Variants in DCAF12 observed in about 807,000 individuals in gnomAD.
The protein encoded by DCAF12 is DDB1- and CUL4-associated factor 12.
DCAF12 carries 28 observed loss-of-function variants against 52.8 expected under a neutral mutation model. The observed-to-expected ratio is 0.53, with a 90% CI of 0.39 to 0.73. DCAF12 has a LOEUF of 0.73. Among genes scored for constraint, DCAF12 ranks in the 30% least tolerant of loss-of-function variants. The probability of loss-of-function intolerance (pLI) is 0.00; values close to 1 mark genes in which losing one functional copy is unlikely to be tolerated. For missense variants in DCAF12, 425 were observed against 552.2 expected, an observed-to-expected ratio of 0.77 and a Z score of 2.31; for synonymous variants, 196 against 215.5, an observed-to-expected ratio of 0.91 and a Z score of 0.79.
At position 34,093,274 on chromosome 9, in the gene DCAF12, A is replaced by G. The variant is rs964704069; in HGVS notation, c.1024+12T>C. On this transcript the variant is annotated intron_variant, in intron 7 of 8. Transcript: ENST00000361264. Reference sequence around the variant, plus strand: ...GCAGCTGTAGGCCTGAGGTGCACACAGGGACTCTTACCACTGCCTCGCTCC... The same window carrying G: ...GCAGCTGTAGGCCTGAGGTGCACACGGGGACTCTTACCACTGCCTCGCTCC... The G allele has an allele frequency of 6.2e-7, 1 of 1,614,138 alleles. No individual in the cohort carries two copies. Among genetic ancestry groups the G allele is most frequent in the East Asian group, 2.2e-5 (1 of 44,884 alleles).
chr9:34,125,809 C>T, intron 1 of DCAF12: 1 of 300,864 alleles, frequency 3.3e-6, no homozygotes, highest in South Asian at 2.8e-5. Context: ...GTAGTAGGCC[C>T]CCGGGAAATC....
rs578219602 is a variant in DCAF12, at chr9:34,093,272, A to C, written c.1024+14T>G. 3 of 1,613,990 alleles carry C rather than the reference A, an allele frequency of 1.9e-6. No homozygotes were observed. The highest frequency in any genetic ancestry group is 1.3e-5 in the African/African-American group (1 of 74,952). ...GTGCAGCTGTAGGCCTGAGGTGCAC[A>C]CAGGGACTCTTACCACTGCCTCGCT... On this transcript the variant is annotated intron_variant, in intron 7 of 8. Coordinates refer to ENST00000361264, the MANE Select transcript of DCAF12 (RefSeq NM_015397.4).
At chr9:34,111,190 T>C (rs1483240342) in intron 2 of DCAF12, among the ~76,000 whole-genome samples, 2 of 152,100 alleles carry the variant, frequency 1.3e-5, no homozygotes, top group East Asian at 3.9e-4. Context: ...TTCACCATAT[T>C]GGCCAGGCTG....
intron 7 of DCAF12, 51 bp from the exon 8 acceptor site, chr9:34,089,641 A>G (rs1828614143): frequency 2.0e-6 from 3 of 1,525,130 alleles, no homozygotes; most frequent in African/African-American, 1.4e-5. Flanking sequence ...ATATTTGCTG[A>G]CTGTCTGCTA....
Position 34,126,623 on chromosome 9 carries a change from C to A in DCAF12, c.-192G>T. 1 of 642,232 alleles carries A rather than the reference C, an allele frequency of 1.6e-6. No homozygotes were observed. The highest frequency in any genetic ancestry group is 2.1e-5 in the South Asian group (1 of 47,778). The allele number at this position is 642,232 out of a possible 1,614,324, so 39.8% of individuals were successfully genotyped here. A position where few individuals can be genotyped will look rare whatever the true frequency, so the allele number is the denominator to read the frequency against. On this transcript the variant is annotated 5_prime_UTR_variant, in exon 1 of 9. Coordinates refer to ENST00000361264, the MANE Select transcript of DCAF12 (RefSeq NM_015397.4). ...AGGAAAGAGAGAGGAAGGACTTGAG[C>A]CGGGAAAGGGAAGGGGAAGCGAGAA...
intron 4 of DCAF12, among the ~76,000 whole-genome samples, 198 bp downstream of exon 4, chr9:34,106,236 G>A (rs765111806): frequency 6.6e-6 from 1 of 151,814 alleles, no homozygotes; most frequent in Non-Finnish European, 1.5e-5. Context: ...GGGACAACAA[G>A]TATGCAGTAC....
At chr9:34,123,514 T>G (rs1829205294) in intron 2 of DCAF12, among the ~76,000 whole-genome samples, 1 of 152,206 alleles carries the variant, frequency 6.6e-6, no homozygotes, top group South Asian at 2.1e-4. Context: ...TTCCCTGCTT[T>G]GGTTCTGGAA....
At chr9:34,101,445 T>C (rs1406660354) in intron 4 of DCAF12, among the ~76,000 whole-genome samples, 1 of 151,382 alleles carries the variant, frequency 6.6e-6, no homozygotes, top group African/African-American at 2.4e-5. Context: ...CAGGCTAGAA[T>C]GCAATGGCAC....
intron 2 of DCAF12, among the ~76,000 whole-genome samples, chr9:34,117,897 A>G (rs1228134032): frequency 6.6e-6 from 1 of 152,158 alleles, no homozygotes; most frequent in Non-Finnish European, 1.5e-5. Flanking sequence ...CTGGGCAACA[A>G]GAGCGAAACT....
chr9:34,088,429 G>A lies in DCAF12; in HGVS notation c.1283C>T (p.Ser428Leu), dbSNP rs1412828528. Residue 428 changes from serine (S) to leucine (L), a missense_variant, in exon 9 of 9, where the codon TCG (serine) becomes TTG (leucine). Around this residue, in one of 3 missense-constraint regions of DCAF12, gnomAD observed 328 missense variants for 444.4 expected, o/e 0.74. Transcript: ENST00000361264. ...PNAVYTHCYDSSGTKLFVAGG... is the reference protein window; with the variant it reads ...PNAVYTHCYDLSGTKLFVAGG... ...TGCCACAAAGAGTTTCGTTCCAGAC[G>A]AGTCGTAGCAGTGGGTGTAAACAGC... The A allele has an allele frequency of 6.2e-7, 1 of 1,614,102 alleles. No homozygotes were observed. The highest frequency in any genetic ancestry group is 8.5e-7 in the Non-Finnish European group (1 of 1,179,968).
intron 2 of DCAF12, among the ~76,000 whole-genome samples, chr9:34,111,959 AC>A (rs1829010332): frequency 6.8e-6 from 1 of 147,828 alleles, no homozygotes; most frequent in Non-Finnish European, 1.5e-5. Context: ...ACATGGTGAA[AC>A]CCCATCTCTA....
rs906124165 is a variant in DCAF12, at chr9:34,086,547, T to C, written c.*1803A>G. On this transcript the variant is annotated 3_prime_UTR_variant, in exon 9 of 9. Transcript: ENST00000361264. ...AAGATTTTTTTTTTAAATATACAAG[T>C]CAGTTTAAAATGATAGAAGTTCTGT... 1.3e-5 allele frequency: 2 copies of C among 151,900 alleles called. No individual in the cohort carries two copies. Among genetic ancestry groups the C allele is most frequent in the African/African-American group, 4.8e-5 (2 of 41,354 alleles). The allele number at this position is 151,900 out of a possible 1,614,324, so 9.4% of individuals were successfully genotyped here.
intron 2 of DCAF12, among the ~76,000 whole-genome samples, chr9:34,119,700 CG>C (rs976232479): frequency 1.6e-5 from 2 of 123,728 alleles, no homozygotes; most frequent in South Asian, 2.8e-4. Context: ...TGTACTTTTG[CG>C]GTTTTTTTTT....
chr9:34,099,761 T>C (rs1045662811), intron 4 of DCAF12, among the ~76,000 whole-genome samples: 8 of 150,926 alleles, frequency 5.3e-5, no homozygotes, highest in African/African-American at 2.0e-4. Flanking sequence ...GCCCGGCTAA[T>C]TTTTGTATTT....
At chr9:34,121,828 A>T (rs890182396) in intron 2 of DCAF12, among the ~76,000 whole-genome samples, 1 of 152,110 alleles carries the variant, frequency 6.6e-6, no homozygotes, top group Non-Finnish European at 1.5e-5. Context: ...CTGTAATCCC[A>T]GCTACTCAGG....
In DCAF12 at chr9:34,126,487, A is replaced by T; in HGVS notation, c.-56T>A. On this transcript the variant is annotated 5_prime_UTR_variant, in exon 1 of 9. Coordinates refer to ENST00000361264, the MANE Select transcript of DCAF12 (RefSeq NM_015397.4). ...ACATGGGGCGGGGGAAGCGAAGGAT[A>T]GCAGGACGGCGGGTCATATACTGGG... The T allele has an allele frequency of 3.2e-6, 5 of 1,572,062 alleles. No individual in the cohort carries two copies. In the South Asian group the frequency reaches 5.7e-5, roughly 18 times the overall value.
At chr9:34,122,115 C>T (rs73489344) in intron 2 of DCAF12, among the ~76,000 whole-genome samples, 2,338 of 152,192 alleles carry the variant, frequency 0.015, 59 homozygotes, top group African/African-American at 0.052. Flanking sequence ...ATCAGTGGTT[C>T]TTAACCATTT....
intron 2 of DCAF12, among the ~76,000 whole-genome samples, chr9:34,111,758 G>GT (rs1166124904): frequency 3.9e-5 from 6 of 152,178 alleles, no homozygotes; most frequent in African/African-American, 1.4e-4. Flanking sequence ...TAGGGAATAT[G>GT]TAACTGGCTG....
At chr9:34,117,034 T>C (rs1320952727) in intron 2 of DCAF12, among the ~76,000 whole-genome samples, 1 of 152,162 alleles carries the variant, frequency 6.6e-6, no homozygotes, top group Non-Finnish European at 1.5e-5. Flanking sequence ...TCTTAGACAC[T>C]CTGAGCTGTG....
Sources: allele counts gnomAD v4.1 joint callset (sites outside exome capture counted in the v4.1 genomes callset), GRCh38; gene constraint gnomAD v4.1.1; regional missense constraint gnomAD v4.1.1; transcripts MANE v1.5; gene names NCBI Gene and HGNC (gene_info 2026-07-23, HGNC 2026-07-21).